The following SAMD12 variants were observed in gnomAD, a reference collection of about 807,000 sequenced individuals.
The protein encoded by SAMD12 is sterile alpha motif domain containing 12, also known as sterile alpha motif domain-containing protein 12.
SAMD12 carries 9 observed loss-of-function variants against 15.0 expected under a neutral mutation model. The observed-to-expected ratio is 0.60, with a 90% confidence interval of 0.36 to 1.05. SAMD12 has a LOEUF of 1.05. SAMD12 is among the 50% of genes least tolerant of loss of function. The pLI is 0.01. For synonymous variants in SAMD12, 86 were observed against 90.1 expected, an observed-to-expected ratio of 0.96 and a Z score of 0.25; for missense variants, 230 against 234.2, an observed-to-expected ratio of 0.98 and a Z score of 0.12.
At chr8:118,407,283 C>T (rs1821180512) in intron 3 of SAMD12, among the ~76,000 whole-genome samples, 4 of 152,096 alleles carry the variant, frequency 2.6e-5, no homozygotes, top group Admixed American at 2.6e-4. Flanking sequence ...ACAATCTCAA[C>T]AGTAGACAAA....
chr8:118,469,515 TAATA>T (rs1415770808), intron 2 of SAMD12, among the ~76,000 whole-genome samples: 14 of 122 alleles, frequency 0.11, no homozygotes, highest in African/African-American at 0.23. Context: ...ATATAATATA[TAATA>T]TATATAATAT....
chr8:118,315,294 C>T (rs1173138169), intron 4 of SAMD12, among the ~76,000 whole-genome samples: 3 of 152,190 alleles, frequency 2.0e-5, no homozygotes, highest in Admixed American at 6.5e-5. Flanking sequence ...AGTTTTAAAA[C>T]TCTGAAACCT....
At chr8:118,577,906 G>T (rs978449858) in intron 2 of SAMD12, among the ~76,000 whole-genome samples, 1 of 152,110 alleles carries the variant, frequency 6.6e-6, no homozygotes, top group Non-Finnish European at 1.5e-5. Context: ...AGCTACTAAA[G>T]TTAATGGGAC....
intron 4 of SAMD12, among the ~76,000 whole-genome samples, chr8:118,212,241 C>A (rs1310530546): frequency 6.6e-6 from 1 of 151,996 alleles, no homozygotes; most frequent in African/African-American, 2.4e-5. Flanking sequence ...CTCAAGTGAT[C>A]TTCCTGCCTC....
chr8:118,293,550 T>C (rs1394541528), intron 4 of SAMD12, among the ~76,000 whole-genome samples: 3 of 152,228 alleles, frequency 2.0e-5, no homozygotes, highest in African/African-American at 7.2e-5. Context: ...TCCTCAGCAA[T>C]TTATGTTCTT....
intron 4 of SAMD12, among the ~76,000 whole-genome samples, chr8:118,291,842 T>C (rs1814387436): frequency 6.6e-6 from 1 of 150,820 alleles, no homozygotes. Flanking sequence ...TAGAGTGACT[T>C]TGGAAGGAGG....
At chr8:118,373,022 G>A (rs541877893), downstream of SAMD12, among the ~76,000 whole-genome samples, 4 of 152,178 alleles carry the variant, frequency 2.6e-5, no homozygotes, top group South Asian at 8.3e-4. Flanking sequence ...GACAACCAAG[G>A]AGCATTGGGA....
At chr8:118,375,453 T>G (rs2130696669), downstream of SAMD12, among the ~76,000 whole-genome samples, 1 of 152,324 alleles carries the variant, frequency 6.6e-6, no homozygotes, top group South Asian at 2.1e-4. Flanking sequence ...GTGAATTATA[T>G]CTCTATGAAG....
chr8:118,266,563 A>C (rs1813204287), intron 4 of SAMD12, among the ~76,000 whole-genome samples: 1 of 152,180 alleles, frequency 6.6e-6, no homozygotes, highest in Non-Finnish European at 1.5e-5. Flanking sequence ...CATTATTCAC[A>C]AAGGGCAAGA....
At chr8:118,541,331 T>A (rs1825980035) in intron 2 of SAMD12, among the ~76,000 whole-genome samples, 1 of 152,190 alleles carries the variant, frequency 6.6e-6, no homozygotes, top group African/African-American at 2.4e-5. Context: ...ATAAAATATT[T>A]TATATATATT....
chr8:118,498,062 T>C (rs1306332998), intron 2 of SAMD12, among the ~76,000 whole-genome samples: 1 of 152,140 alleles, frequency 6.6e-6, no homozygotes, highest in African/African-American at 2.4e-5. Context: ...AAGCAGATAA[T>C]TAACGAACTG....
In SAMD12 at chr8:118,553,945, C is replaced by G. The variant is rs368132895; in HGVS notation, c.192+26770G>C. On this transcript the variant is annotated intron_variant, in intron 2 of 3. Coordinates refer to ENST00000314727, the MANE Select transcript of SAMD12 (RefSeq NM_207506.3). ...ACACATGAAAAAATGCTCACCATCA[C>G]TGGCCATCAGAGAAATGCAAATCAA... Among the ~76,000 whole-genome samples the G allele has an allele frequency of 4.6e-5, 7 of 152,172 alleles. No homozygotes were observed. The East Asian group carries it at 1.2e-3, about 25-fold the overall frequency.
At chr8:118,504,040 C>T (rs2131047919) in intron 2 of SAMD12, among the ~76,000 whole-genome samples, 1 of 152,274 alleles carries the variant, frequency 6.6e-6, no homozygotes, top group African/African-American at 2.4e-5. Context: ...CTTCCTTGCC[C>T]TATTCCTATT....
At chr8:118,483,932 C>G (rs868194337) in intron 2 of SAMD12, among the ~76,000 whole-genome samples, 3 of 152,202 alleles carry the variant, frequency 2.0e-5, no homozygotes, top group Non-Finnish European at 2.9e-5. Flanking sequence ...CAAGCGCCAA[C>G]TCTATGTTAA....
chr8:118,321,674 T>C (rs952149515), intron 4 of SAMD12, among the ~76,000 whole-genome samples: 18 of 152,156 alleles, frequency 1.2e-4, no homozygotes, highest in Non-Finnish European at 2.9e-5. Flanking sequence ...AGTCTTCCTA[T>C]GGCAGTATGA....
At chr8:118,183,872 T>C in the SAMD12 span, among the ~76,000 whole-genome samples, 2 of 151,960 alleles carry the variant, frequency 1.3e-5, no homozygotes, top group East Asian at 3.9e-4. Flanking sequence ...TATACCACTC[T>C]GTATGCCTTT....
rs138870138 is a variant in SAMD12, at chr8:118,398,736, G to A, written c.323-19036C>T. On this transcript the variant is annotated intron_variant, in intron 3 of 3. Coordinates refer to ENST00000314727, the MANE Select transcript of SAMD12 (RefSeq NM_207506.3). ...GAGTTGGATTAAAAATAAAATGAGGGAACTTTGGGAAGTGATAGTCATGTT... is the reference window on the plus strand; with the variant it reads ...GAGTTGGATTAAAAATAAAATGAGGAAACTTTGGGAAGTGATAGTCATGTT... Among the ~76,000 whole-genome samples, 130 of 152,148 alleles carry A rather than the reference G, an allele frequency of 8.5e-4. 1 individual carries two copies. The highest frequency in any genetic ancestry group is 1.3e-3 in the Non-Finnish European group (89 of 68,020).
At chr8:118,261,441 A>C (rs983512369) in intron 4 of SAMD12, among the ~76,000 whole-genome samples, 4 of 152,246 alleles carry the variant, frequency 2.6e-5, no homozygotes, top group Non-Finnish European at 4.4e-5. Context: ...GAAAGGAAAA[A>C]TTAAATTCAA....
intron 1 of SAMD12, among the ~76,000 whole-genome samples, chr8:118,605,630 T>G (rs956295319): frequency 6.6e-6 from 1 of 152,028 alleles, no homozygotes; most frequent in African/African-American, 2.4e-5. Flanking sequence ...GAAATGGAGA[T>G]ATTTTCTAAG....
Sources: allele counts gnomAD v4.1 joint callset (sites outside exome capture counted in the v4.1 genomes callset), GRCh38; gene constraint gnomAD v4.1.1; transcripts MANE v1.5; gene names NCBI Gene and HGNC (gene_info 2026-07-23, HGNC 2026-07-21).